Variants in ACMSD observed in about 807,000 individuals in gnomAD.
ACMSD encodes the protein 2-amino-3-carboxymuconate-6-semialdehyde decarboxylase.
ACMSD carries 37 observed loss-of-function variants against 45.9 expected under a neutral mutation model. The observed-to-expected ratio is 0.81, with a 90% CI of 0.62 to 1.06. The LOEUF is 1.06. Ranked by LOEUF, ACMSD falls within the 50% of genes least tolerant of loss-of-function variation. The pLI, the probability that ACMSD is intolerant of heterozygous loss-of-function variation, is 0.00. For missense variants in ACMSD, 434 were observed against 420.9 expected (o/e 1.03, Z -0.27); for synonymous variants, 138 against 148.8 (o/e 0.93, Z 0.53).
At chr2:134,843,427 A>C (rs1686899741) in intron 1 of ACMSD, among the ~76,000 whole-genome samples, 1 of 152,200 alleles carries the variant, frequency 6.6e-6, no homozygotes, top group Non-Finnish European at 1.5e-5. Context: ...GTATAGAATT[A>C]ATCCAAACCT....
intron 8 of ACMSD, among the ~76,000 whole-genome samples, chr2:134,886,303 CA>C (rs1689458472): frequency 7.0e-6 from 1 of 142,194 alleles, no homozygotes; most frequent in African/African-American, 2.7e-5. Flanking sequence ...GGCTGACGTG[CA>C]GTGGCGCCAT....
intron 6 of ACMSD, among the ~76,000 whole-genome samples, chr2:134,868,637 G>A (rs1397475852): frequency 1.3e-5 from 2 of 151,800 alleles, no homozygotes; most frequent in Non-Finnish European, 2.9e-5. Flanking sequence ...ATTTTCAGTA[G>A]AAACAGGGTT....
At chr2:134,893,215 T>C (rs1226748560) in intron 8 of ACMSD, among the ~76,000 whole-genome samples, 2 of 151,566 alleles carry the variant, frequency 1.3e-5, no homozygotes, top group African/African-American at 4.9e-5. Flanking sequence ...CTGCATTTTT[T>C]TTTTTTTTTT....
intron 2 of ACMSD, among the ~76,000 whole-genome samples, chr2:134,850,637 T>C (rs1329716468): frequency 6.9e-6 from 1 of 145,762 alleles, no homozygotes; most frequent in Admixed American, 7.3e-5. Context: ...GTCCAATACC[T>C]TCAAATGTTT....
At chr2:134,876,376 C>A (rs1573680385) in intron 8 of ACMSD, among the ~76,000 whole-genome samples, 1 of 152,214 alleles carries the variant, frequency 6.6e-6, no homozygotes, top group African/African-American at 2.4e-5. Context: ...TACAGCTGTA[C>A]AGAAATATTT....
At chr2:134,891,129 A>T (rs572908711) in intron 8 of ACMSD, among the ~76,000 whole-genome samples, 1 of 151,926 alleles carries the variant, frequency 6.6e-6, no homozygotes, top group Non-Finnish European at 1.5e-5. Flanking sequence ...TGCAGAAGCT[A>T]TTTAGTGAAT....
chr2:134,864,943 C>G (rs1688028014), intron 5 of ACMSD, among the ~76,000 whole-genome samples: 1 of 152,126 alleles, frequency 6.6e-6, no homozygotes. Context: ...ATGCATAATT[C>G]TTTACTCAAT....
At chr2:134,896,379 G>A (rs1324526180) in intron 8 of ACMSD, among the ~76,000 whole-genome samples, 1 of 152,116 alleles carries the variant, frequency 6.6e-6, no homozygotes, top group East Asian at 1.9e-4. Flanking sequence ...CTCACCGAAT[G>A]GAGAAAATAT....
At chr2:134,851,494 A>G (rs1687343500) in intron 2 of ACMSD, among the ~76,000 whole-genome samples, 1 of 151,700 alleles carries the variant, frequency 6.6e-6, no homozygotes, top group Non-Finnish European at 1.5e-5. Context: ...CCCAGGCTGG[A>G]GTGCAGTGGT....
chr2:134,860,409 C>A (rs1385069626), intron 3 of ACMSD, among the ~76,000 whole-genome samples: 1 of 152,196 alleles, frequency 6.6e-6, no homozygotes, highest in African/African-American at 2.4e-5. Context: ...CACATGTGGG[C>A]TGTGTCCATG....
intron 2 of ACMSD, among the ~76,000 whole-genome samples, chr2:134,853,991 T>C (rs1410064083): frequency 1.3e-5 from 2 of 152,180 alleles, no homozygotes; most frequent in Admixed American, 6.5e-5. Flanking sequence ...AGATGGAAAA[T>C]GGCTTCATAA....
At chr2:134,845,781 G>A (rs1687027663) in intron 2 of ACMSD, among the ~76,000 whole-genome samples, 1 of 152,214 alleles carries the variant, frequency 6.6e-6, no homozygotes, top group African/African-American at 2.4e-5. Context: ...GAAGAAGGCT[G>A]TGGGCAAAGC....
At chr2:134,872,912 C>T (rs1688531566) in intron 8 of ACMSD, 1 of 395,614 alleles carries the variant, frequency 2.5e-6, no homozygotes, top group Non-Finnish European at 4.7e-6. Context: ...CCCAGATCAG[C>T]TCCTCTTCCT....
chr2:134,867,703 G>A (rs896542497), intron 6 of ACMSD, 31 bp downstream of exon 6: 5 of 1,580,156 alleles, frequency 3.2e-6, no homozygotes, highest in South Asian at 2.3e-5. Context: ...TGGAACAGAG[G>A]ACCAACTCTT....
rs10636216 is a variant in ACMSD, at chr2:134,885,285, T to TAATACATATGTAAATA, written c.849+12644_849+12645insAATACATATGTAAATA. On this transcript the variant is annotated intron_variant, in intron 8 of 9. Coordinates refer to ENST00000356140, the MANE Select transcript of ACMSD (RefSeq NM_138326.3). ...TATATATAAATATATATATTATATA[T>TAATACATATGTAAATA]TATATTTATATATATATTTAAATAT... Among the ~76,000 whole-genome samples, 136 of 104,362 alleles carry TAATACATATGTAAATA rather than the reference T, an allele frequency of 1.3e-3. 6 individuals are homozygous for TAATACATATGTAAATA. Among genetic ancestry groups the TAATACATATGTAAATA allele is most frequent in the Non-Finnish European group, 2.0e-3 (115 of 56,232 alleles). 68.5% of individuals were successfully genotyped at this position (104,362 alleles called of 152,430 possible).
intron 5 of ACMSD, among the ~76,000 whole-genome samples, chr2:134,865,233 C>T (rs186356284): frequency 2.6e-5 from 4 of 152,314 alleles, no homozygotes; most frequent in African/African-American, 9.6e-5. Flanking sequence ...CCTCAATATA[C>T]TGAACTCCCT....
At chr2:134,871,166 A>G in intron 7 of ACMSD, 106 bp downstream of exon 7, 1 of 1,010,958 alleles carries the variant, frequency 9.9e-7, no homozygotes, top group Non-Finnish European at 1.5e-6. Flanking sequence ...CCTGGAGGCT[A>G]GAAGTCCAAG....
chr2:134,845,277 G>T lies in ACMSD; in HGVS notation c.102G>T (p.Lys34Asn), dbSNP rs80045521. The T allele has an allele frequency of 6.4e-5, 103 of 1,614,098 alleles. No homozygotes were observed. In the East Asian group the frequency reaches 2.2e-3, roughly 34 times the overall value. Residue 34 changes from lysine to asparagine, a missense_variant and splice_region_variant, in exon 2 of 10, where the codon AAG (lysine) becomes AAT (asparagine). By Grantham distance (94) the Lys-to-Asn change is moderately conservative (BLOSUM62 0). Transcript: ENST00000356140. Reference sequence around the variant, plus strand: ...GGGTGCAGCTCCAACACCACAGCAAGGTGAGTTTCTTCCAAAGTATGAACA... The same window carrying T: ...GGGTGCAGCTCCAACACCACAGCAATGTGAGTTTCTTCCAAAGTATGAACA... ...GGWVQLQHHS[K>N]GEAKLLKDGK...
intron 6 of ACMSD, among the ~76,000 whole-genome samples, chr2:134,869,843 TCTGA>T (rs1303753237): frequency 1.3e-5 from 2 of 152,186 alleles, no homozygotes; most frequent in Non-Finnish European, 2.9e-5. Context: ...TGAACGTAAC[TCTGA>T]CTGCTATATG....
Sources: allele counts gnomAD v4.1 joint callset (sites outside exome capture counted in the v4.1 genomes callset), GRCh38; gene constraint gnomAD v4.1.1; transcripts MANE v1.5; gene names NCBI Gene and HGNC (gene_info 2026-07-23, HGNC 2026-07-21).